CATSPERE: variants seen among roughly 807,000 people sequenced by gnomAD.
CATSPERE encodes the protein cation channel sperm-associated auxiliary subunit epsilon.
CATSPERE carries 93 observed loss-of-function variants against 114.1 expected under a neutral mutation model. The ratio of observed to expected loss-of-function variants is 0.81; its 90% CI spans 0.69 to 0.97. CATSPERE has a LOEUF of 0.97. CATSPERE is among the 50% of genes least tolerant of loss of function. The pLI, the probability that CATSPERE is intolerant of heterozygous loss-of-function variation, is 0.00. For synonymous variants in CATSPERE, 341 were observed against 384.1 expected, an observed-to-expected ratio of 0.89 and a Z score of 1.31; for missense variants, 1,058 against 1,131.6, an observed-to-expected ratio of 0.93 and a Z score of 0.93.
chr1:244,578,823 C>CATATATATATATATATAT (rs10695652), intron 11 of CATSPERE, among the ~76,000 whole-genome samples: 197 of 132,972 alleles, frequency 1.5e-3, no homozygotes, highest in African/African-American at 3.7e-3. Flanking sequence ...GGTGCATATA[C>CATATATATATATATATAT]ATATATATAT....
chr1:244,517,313 A>G (rs994908605), intron 7 of CATSPERE, among the ~76,000 whole-genome samples: 3 of 151,820 alleles, frequency 2.0e-5, no homozygotes, highest in African/African-American at 4.8e-5. Context: ...TTTTACTTCC[A>G]TCTTACTCTT....
In CATSPERE at chr1:244,607,093, C is replaced by T. The variant is rs530095737; in HGVS notation, c.2403+1299C>T. ...TCCTTCTCAAACCTTTCCATTATGC[C>T]TCAAGGTTAAACGCTCTAGATCCTT... On this transcript the variant is annotated intron_variant, in intron 18 of 21. Coordinates refer to ENST00000366534, the MANE Select transcript of CATSPERE (RefSeq NM_001130957.2). This position sits in a 1 kb window ranked among gnomAD's most constrained non-coding sequence, Gnocchi z 4.4. Among the ~76,000 whole-genome samples, 1 of 152,236 alleles carries T rather than the reference C, an allele frequency of 6.6e-6. No homozygotes were observed. The highest frequency in any genetic ancestry group is 2.1e-4 in the South Asian group (1 of 4,818).
At chr1:244,621,074 T>TATATATAAAAA (rs1672099114) in intron 20 of CATSPERE, among the ~76,000 whole-genome samples, 1 of 51,994 alleles carries the variant, frequency 1.9e-5, no homozygotes, top group African/African-American at 8.3e-5. Context: ...ATATATAAAA[T>TATATATAAAAA]ATATATATAA....
At chr1:244,457,285 T>C (rs1666246224), upstream of CATSPERE, among the ~76,000 whole-genome samples, 1 of 152,184 alleles carries the variant, frequency 6.6e-6, no homozygotes, top group Admixed American at 6.5e-5. Context: ...TGCTGTTTGA[T>C]GGAAAATTGT....
chr1:244,452,075 A>G (rs1403383208), upstream of CATSPERE: 2 of 327,200 alleles, frequency 6.1e-6, no homozygotes, highest in Non-Finnish European at 1.1e-5. Context: ...TGGTGGCGGC[A>G]ACGGCCGCCA....
At chr1:244,586,761 G>A (rs1667083934) in intron 13 of CATSPERE, among the ~76,000 whole-genome samples, 1 of 152,156 alleles carries the variant, frequency 6.6e-6, no homozygotes, top group Admixed American at 6.6e-5. Flanking sequence ...CCAACAACAT[G>A]CATAAGGCAG....
intron 6 of CATSPERE, among the ~76,000 whole-genome samples, chr1:244,493,811 A>T (rs1410525324): frequency 6.6e-6 from 1 of 152,258 alleles, no homozygotes; most frequent in Admixed American, 6.5e-5. Context: ...GACACTTCTC[A>T]AAAGAAGACA....
chr1:244,527,993 A>G (rs140471721), intron 8 of CATSPERE, among the ~76,000 whole-genome samples: 2 of 152,314 alleles, frequency 1.3e-5, no homozygotes, highest in East Asian at 3.9e-4. Flanking sequence ...TCAGGGATAC[A>G]GCAAGTGTGT....
At chr1:244,601,585 T>C (rs528019899) in intron 17 of CATSPERE, among the ~76,000 whole-genome samples, 1 of 152,106 alleles carries the variant, frequency 6.6e-6, no homozygotes, top group South Asian at 2.1e-4. Context: ...TAAATATAAC[T>C]GGGGGTCAGA....
intron 7 of CATSPERE, 70 bp from the exon 8 acceptor site, chr1:244,518,522 A>G: frequency 1.1e-6 from 1 of 938,926 alleles, no homozygotes; most frequent in Non-Finnish European, 1.7e-6. Flanking sequence ...AATTCAATAT[A>G]TCCTGATGTC....
chr1:244,476,325 A>ATGTATATATGATATG (rs1669332479), intron 2 of CATSPERE, among the ~76,000 whole-genome samples: 2 of 151,916 alleles, frequency 1.3e-5, no homozygotes, highest in South Asian at 4.2e-4. Context: ...TAGTTTTAAC[A>ATGTATATATGATATG]TATATATCAT....
At chr1:244,522,440 C>A (rs1572542835) in intron 8 of CATSPERE, among the ~76,000 whole-genome samples, 1 of 152,124 alleles carries the variant, frequency 6.6e-6, no homozygotes, top group Non-Finnish European at 1.5e-5. Context: ...AAAGCAAGAG[C>A]AAACACATTC....
At chr1:244,593,302 C>G (rs1667966228) in intron 15 of CATSPERE, 93 bp from the exon 16 acceptor site, 1 of 1,279,800 alleles carries the variant, frequency 7.8e-7, no homozygotes, top group African/African-American at 1.5e-5. Flanking sequence ...TCTGTTTGAC[C>G]TTTGTGATAC....
intron 17 of CATSPERE, among the ~76,000 whole-genome samples, chr1:244,596,106 A>T (rs1668385710): frequency 6.6e-6 from 1 of 152,190 alleles, no homozygotes; most frequent in South Asian, 2.1e-4. Flanking sequence ...TCAAAACAGG[A>T]TGTAGCCAAG....
At chr1:244,531,209 C>A (rs1214463459) in intron 8 of CATSPERE, among the ~76,000 whole-genome samples, 1 of 143,870 alleles carries the variant, frequency 7.0e-6, no homozygotes, top group African/African-American at 2.6e-5. Context: ...GCACTCCAGC[C>A]TGGGCAACAG....
At chr1:244,481,714 G>A (rs1670294060) in intron 5 of CATSPERE, among the ~76,000 whole-genome samples, 1 of 152,132 alleles carries the variant, frequency 6.6e-6, no homozygotes, top group African/African-American at 2.4e-5. Flanking sequence ...GGTCATGAGG[G>A]TACAGTCCTT....
rs1459405650 is a variant in CATSPERE, at chr1:244,568,985, G to A, written c.1508-3345G>A. On this transcript the variant is annotated intron_variant, in intron 10 of 21. Transcript: ENST00000366534. The surrounding 1 kb of genome is among the most constrained non-coding windows in gnomAD (Gnocchi z 4.4). ...CCTAGTTTTGTGCTTGAAACCCAGC[G>A]CCCTGGTGGTGTAGTAACCTGAGGG... Among the ~76,000 whole-genome samples the A allele has an allele frequency of 3.3e-5, 5 of 152,208 alleles. No individual in the cohort carries two copies. The highest frequency in any genetic ancestry group is 7.3e-5 in the Non-Finnish European group (5 of 68,036).
At chr1:244,638,612 T>G (rs1280988523) in intron 21 of CATSPERE, among the ~76,000 whole-genome samples, 1 of 152,204 alleles carries the variant, frequency 6.6e-6, no homozygotes, top group Non-Finnish European at 1.5e-5. Flanking sequence ...TTCTCTTAGG[T>G]GTCTCAAAGA....
chr1:244,524,129 C>G (rs1678106571), intron 8 of CATSPERE, among the ~76,000 whole-genome samples: 1 of 150,108 alleles, frequency 6.7e-6, no homozygotes, highest in South Asian at 2.1e-4. Context: ...GGTATTGGTA[C>G]CAAAACAGAG....
Sources: allele counts gnomAD v4.1 joint callset (sites outside exome capture counted in the v4.1 genomes callset), GRCh38; gene constraint gnomAD v4.1.1; non-coding constraint Gnocchi (gnomAD v3.1); transcripts MANE v1.5; gene names NCBI Gene and HGNC (gene_info 2026-07-23, HGNC 2026-07-21).